SDK1: variants seen among roughly 807,000 people sequenced by gnomAD.
SDK1 encodes the protein sidekick cell adhesion molecule 1.
In SDK1, 157 loss-of-function variants were observed where a neutral mutation model predicts 245.5. The ratio of observed to expected loss-of-function variants is 0.64; its 90% CI spans 0.56 to 0.73. The LOEUF (loss-of-function observed/expected upper bound fraction) is 0.73. SDK1 is among the 30% of genes least tolerant of loss of function. The pLI, the probability that SDK1 is intolerant of heterozygous loss-of-function variation, is 0.00. For missense variants in SDK1, 3,583 were observed against 3,002.3 expected, an observed-to-expected ratio of 1.19 and a Z score of -4.52; for synonymous variants, 1,647 against 1,278.5, an observed-to-expected ratio of 1.29 and a Z score of -6.15.
chr7:3,445,312 A>G (rs1389971273), intron 1 of SDK1, among the ~76,000 whole-genome samples: 1 of 152,208 alleles, frequency 6.6e-6, no homozygotes, highest in African/African-American at 2.4e-5. Context: ...AATGGGCTCA[A>G]TAATAATGAG....
intron 4 of SDK1, among the ~76,000 whole-genome samples, chr7:3,687,056 AACACACACAC>A (rs200034994): frequency 0.019 from 2,540 of 135,224 alleles, 60 homozygotes; most frequent in African/African-American, 0.057. Flanking sequence ...ATAGCATCAA[AACACACACAC>A]ACACACACAC....
intron 1 of SDK1, among the ~76,000 whole-genome samples, chr7:3,372,568 G>T (rs930494687): frequency 6.6e-6 from 1 of 152,174 alleles, no homozygotes. Flanking sequence ...GAGCGGAAGA[G>T]GGCAAGACCC....
intron 1 of SDK1, among the ~76,000 whole-genome samples, chr7:3,570,221 G>T (rs1007087085): frequency 2.0e-5 from 3 of 152,162 alleles, no homozygotes; most frequent in Admixed American, 1.3e-4. Flanking sequence ...CCACAGCCCA[G>T]TGGGCAGGGA....
chr7:3,900,953 A>T (rs1321921066), intron 5 of SDK1, among the ~76,000 whole-genome samples: 1 of 152,190 alleles, frequency 6.6e-6, no homozygotes, highest in African/African-American at 2.4e-5. Context: ...TGTAGCAAAA[A>T]AAAAGACCTT....
intron 4 of SDK1, among the ~76,000 whole-genome samples, chr7:3,677,576 A>G (rs2114979229): frequency 6.6e-6 from 1 of 152,366 alleles, no homozygotes; most frequent in Middle Eastern, 3.4e-3. Flanking sequence ...TGATTCAATT[A>G]TCTCCACCTG....
chr7:3,581,611 A>C (rs529522866), intron 1 of SDK1, among the ~76,000 whole-genome samples: 1 of 152,364 alleles, frequency 6.6e-6, no homozygotes, highest in Admixed American at 6.5e-5. Flanking sequence ...AGCTAAAAAC[A>C]GAACTACCAT....
intron 1 of SDK1, among the ~76,000 whole-genome samples, chr7:3,321,613 T>C (rs1047488089): frequency 7.9e-5 from 12 of 152,182 alleles, no homozygotes; most frequent in Non-Finnish European, 1.5e-4. Flanking sequence ...AGAAACATTC[T>C]TCATGTTTTC....
intron 1 of SDK1, among the ~76,000 whole-genome samples, chr7:3,417,685 A>C (rs545287023): frequency 6.6e-6 from 1 of 152,302 alleles, no homozygotes; most frequent in South Asian, 2.1e-4. Context: ...TAGATTTTCT[A>C]ACAGTCTTCT....
At chr7:3,983,615 C>A (rs1047671032) in intron 13 of SDK1, among the ~76,000 whole-genome samples, 1 of 152,190 alleles carries the variant, frequency 6.6e-6, no homozygotes, top group Non-Finnish European at 1.5e-5. Flanking sequence ...TTGCAAATTG[C>A]AATATTCACT....
At chr7:3,357,592 C>T (rs1780839504) in intron 1 of SDK1, among the ~76,000 whole-genome samples, 1 of 151,804 alleles carries the variant, frequency 6.6e-6, no homozygotes, top group Non-Finnish European at 1.5e-5. Flanking sequence ...AAGCAATCCT[C>T]CTCCCTTGGC....
chr7:4,225,597 G>T (rs941532075), intron 40 of SDK1, among the ~76,000 whole-genome samples: 2 of 152,220 alleles, frequency 1.3e-5, no homozygotes, highest in African/African-American at 2.4e-5. Flanking sequence ...AAGGGAACAG[G>T]ACGCCTGTTG....
chr7:3,602,923 A>G (rs932368019), intron 1 of SDK1, among the ~76,000 whole-genome samples: 1 of 152,224 alleles, frequency 6.6e-6, no homozygotes, highest in Non-Finnish European at 1.5e-5. Flanking sequence ...AGCACCATTT[A>G]TTAAATAGGG....
chr7:3,392,274 A>G (rs1461921407), intron 1 of SDK1, among the ~76,000 whole-genome samples: 1 of 152,192 alleles, frequency 6.6e-6, no homozygotes, highest in Non-Finnish European at 1.5e-5. Flanking sequence ...ATGTATCATT[A>G]TTAACTTATG....
chr7:3,496,710 CTACTT>C (rs1188997559), intron 1 of SDK1, among the ~76,000 whole-genome samples: 13 of 152,332 alleles, frequency 8.5e-5, no homozygotes, highest in African/African-American at 2.9e-4. Flanking sequence ...TGTGTTCCGA[CTACTT>C]TACTTCTCCG....
chr7:3,439,207 G>A (rs988758096), intron 1 of SDK1, among the ~76,000 whole-genome samples: 1 of 151,962 alleles, frequency 6.6e-6, no homozygotes, highest in Non-Finnish European at 1.5e-5. Context: ...ACATTTTTGG[G>A]GTGGTGGTTA....
chr7:3,480,002 C>A (rs1417687212), intron 1 of SDK1, among the ~76,000 whole-genome samples: 4 of 152,082 alleles, frequency 2.6e-5, no homozygotes, highest in African/African-American at 9.7e-5. Flanking sequence ...CACCTGTCCA[C>A]GCCCAAAGTA....
At chr7:3,602,161 A>G (rs2128639085) in intron 1 of SDK1, among the ~76,000 whole-genome samples, 1 of 152,094 alleles carries the variant, frequency 6.6e-6, no homozygotes, top group South Asian at 2.1e-4. Flanking sequence ...TCTTTATAGC[A>G]CAATGATTTA....
At chr7:3,366,788 T>C (rs4343999) in intron 1 of SDK1, among the ~76,000 whole-genome samples, 70,084 of 152,038 alleles carry the variant, frequency 0.46, 17,945 homozygotes, top group East Asian at 0.62. Context: ...TGTCACCAGG[T>C]TGGAGTGCAG....
At chr7:4,069,486 G>T (rs575166314) in intron 20 of SDK1, among the ~76,000 whole-genome samples, 1 of 152,224 alleles carries the variant, frequency 6.6e-6, no homozygotes, top group Non-Finnish European at 1.5e-5. Context: ...TGAGTTGCCC[G>T]TCCTGACGCG....
Sources: gnomAD v4.1 joint callset for allele counts (sites outside exome capture counted in the v4.1 genomes callset) on GRCh38, gnomAD v4.1.1 for gene constraint, MANE v1.5 for transcripts, NCBI Gene and HGNC (gene_info 2026-07-23, HGNC 2026-07-21) for gene names.